FAM169A: variants seen among roughly 807,000 people sequenced by gnomAD.
The protein encoded by FAM169A is soluble lamin-associated protein of 75 kDa.
In FAM169A, 24 loss-of-function variants were observed where a neutral mutation model predicts 75.7. The observed-to-expected ratio is 0.32, with a 90% CI of 0.23 to 0.45. FAM169A has a LOEUF of 0.45. FAM169A is among the 20% of genes least tolerant of loss of function. FAM169A has a pLI of 1.00. For synonymous variants in FAM169A, 271 were observed against 271.0 expected (o/e 1.00, Z 0.00); for missense variants, 673 against 784.0 (o/e 0.86, Z 1.69).
chr5:74,802,520 C>G (rs1482444434), intron 8 of FAM169A, among the ~76,000 whole-genome samples: 1 of 152,098 alleles, frequency 6.6e-6, no homozygotes, highest in Admixed American at 6.5e-5. Context: ...TTTTTACATG[C>G]TATCGTCTGG....
chr5:74,845,271 C>T (rs968135309), intron 1 of FAM169A, among the ~76,000 whole-genome samples: 1 of 152,158 alleles, frequency 6.6e-6, no homozygotes, highest in African/African-American at 2.4e-5. Flanking sequence ...GTAATCCCAG[C>T]ACTTTGGGAG....
chr5:74,855,619 T>C lies in FAM169A; in HGVS notation c.-4+10546A>G, dbSNP rs111920986. ...ATCTACTCAGATCTTTGGCTCATTTTTTAATCAGATTATTACATGTTTTCA... is the reference window on the plus strand; with the variant it reads ...ATCTACTCAGATCTTTGGCTCATTTCTTAATCAGATTATTACATGTTTTCA... On this transcript the variant is annotated intron_variant, in intron 1 of 12. Coordinates refer to ENST00000687041, the MANE Select transcript of FAM169A (RefSeq NM_001376049.1). Among the ~76,000 whole-genome samples the C allele has an allele frequency of 1.8e-3, 280 of 152,352 alleles. 2 individuals carry two copies. Among genetic ancestry groups the C allele is most frequent in the African/African-American group, 6.3e-3 (261 of 41,586 alleles).
intron 11 of FAM169A, among the ~76,000 whole-genome samples, chr5:74,791,826 T>C (rs950082611): frequency 1.3e-5 from 2 of 152,160 alleles, no homozygotes; most frequent in Non-Finnish European, 2.9e-5. Context: ...GCAAAGGGAA[T>C]ACAGAATGAG....
intron 6 of FAM169A, among the ~76,000 whole-genome samples, chr5:74,813,173 A>T (rs1266629005): frequency 1.3e-5 from 2 of 152,176 alleles, no homozygotes. Flanking sequence ...GGGGAAATGG[A>T]TGGTGACTGC....
chr5:74,828,651 G>A (rs1487076328), intron 5 of FAM169A, among the ~76,000 whole-genome samples: 2 of 152,160 alleles, frequency 1.3e-5, no homozygotes, highest in African/African-American at 4.8e-5. Flanking sequence ...ACTTTTTAAA[G>A]GTTCTAAAAT....
chr5:74,818,527 T>C (rs1268361430), intron 5 of FAM169A, among the ~76,000 whole-genome samples: 1 of 152,080 alleles, frequency 6.6e-6, no homozygotes, highest in Non-Finnish European at 1.5e-5. Context: ...CTATGAATTA[T>C]AACCGGATGA....
Position 74,781,529 on chromosome 5 carries a change from G to T in FAM169A, c.1944C>A (p.Asp648Glu), listed in dbSNP as rs1458370910. The T allele has an allele frequency of 2.5e-6, 4 of 1,614,138 alleles. 1 individual carries two copies. In the South Asian group the frequency reaches 4.4e-5, roughly 18 times the overall value. ...TGGCCTTTCTTCTTAAATTCCGCCT[G>T]TCTACCACAGGCACTTCCACTTCTA... Reference protein sequence around the residue: ...EEIEVEVPVVDRRNLRRKAKG... With the variant: ...EEIEVEVPVVERRNLRRKAKG... The change falls in exon 13 of 13, where the codon GAC (aspartate) becomes GAA (glutamate). Residue 648 changes from aspartate to glutamate, a missense_variant. Around this residue, in one of 3 missense-constraint regions of FAM169A, gnomAD observed 510 missense variants for 550.9 expected, o/e 0.93. Coordinates refer to ENST00000687041, the MANE Select transcript of FAM169A (RefSeq NM_001376049.1).
intron 6 of FAM169A, among the ~76,000 whole-genome samples, chr5:74,805,806 C>G (rs1456811238): frequency 1.3e-5 from 2 of 151,508 alleles, no homozygotes; most frequent in African/African-American, 4.8e-5. Flanking sequence ...TATAAAAATA[C>G]CAGTTCTCAT....
At chr5:74,807,875 T>C (rs548367983) in intron 6 of FAM169A, among the ~76,000 whole-genome samples, 234 of 152,232 alleles carry the variant, frequency 1.5e-3, no homozygotes, top group African/African-American at 5.4e-3. Context: ...TCCCAGCATT[T>C]TGGGAGGCCA....
chr5:74,861,077 C>T (rs1032698362), intron 1 of FAM169A, among the ~76,000 whole-genome samples: 2 of 152,140 alleles, frequency 1.3e-5, no homozygotes, highest in African/African-American at 4.8e-5. Flanking sequence ...GCTGACCTTG[C>T]GGTGAGCTGA....
At chr5:74,820,349 G>T (rs567365861) in intron 5 of FAM169A, among the ~76,000 whole-genome samples, 4 of 152,212 alleles carry the variant, frequency 2.6e-5, no homozygotes, top group African/African-American at 9.6e-5. Flanking sequence ...ATCTCAGGTA[G>T]TTGTTAAAAA....
intron 1 of FAM169A, among the ~76,000 whole-genome samples, chr5:74,859,114 T>C (rs941780059): frequency 5.9e-5 from 9 of 151,754 alleles, no homozygotes; most frequent in African/African-American, 1.7e-4. Flanking sequence ...CTCAAGAGGC[T>C]GAGGCAGGAG....
intron 1 of FAM169A, chr5:74,865,714 G>A (rs1750288325): frequency 6.6e-6 from 1 of 152,428 alleles, no homozygotes; most frequent in African/African-American, 2.4e-5. Context: ...CACCTGGTCG[G>A]GTGAACCGAG....
chr5:74,807,983 T>G (rs1746975545), intron 6 of FAM169A, among the ~76,000 whole-genome samples: 1 of 152,068 alleles, frequency 6.6e-6, no homozygotes, highest in Non-Finnish European at 1.5e-5. Flanking sequence ...CCGGCCATGG[T>G]GGCTACTCAG....
At chr5:74,866,602 C>T (rs1750363323), upstream of FAM169A, 5 of 634,602 alleles carry the variant, frequency 7.9e-6, no homozygotes, top group Non-Finnish European at 9.8e-6. Context: ...CCCCCTCTCT[C>T]CGCCCCGGCC....
At chr5:74,827,765 C>A (rs1023357567) in intron 5 of FAM169A, among the ~76,000 whole-genome samples, 3 of 150,964 alleles carry the variant, frequency 2.0e-5, no homozygotes, top group Middle Eastern at 3.2e-3. Context: ...CGGGTTAAAG[C>A]GATTCTCCCA....
In FAM169A at chr5:74,779,940, T is replaced by G. The variant is rs962979236; in HGVS notation, c.*1520A>C. 6.6e-6 allele frequency: 1 copy of G among 152,226 alleles called. No homozygotes were observed. Among genetic ancestry groups the G allele is most frequent in the Non-Finnish European group, 1.5e-5 (1 of 68,024 alleles). The allele number at this position is 152,226 out of a possible 1,614,324, so 9.4% of individuals were successfully genotyped here. On this transcript the variant is annotated 3_prime_UTR_variant, in exon 13 of 13. Coordinates refer to ENST00000687041, the MANE Select transcript of FAM169A (RefSeq NM_001376049.1). ...ACACAAAGTCTTAGTTTCTTTTGCA[T>G]AAGGATCAAGATCAAGCTATTTTTA...
In FAM169A at chr5:74,805,094, G is replaced by A. The variant is rs190598752; in HGVS notation, c.799+62C>T. On this transcript the variant is annotated intron_variant, in intron 7 of 12. Transcript: ENST00000687041. Reference sequence around the variant, plus strand: ...CTTTTTAAACTGGACTTATGGGCCAGCAAGGACAGGCTACCAAAAATAAAT... The same window carrying A: ...CTTTTTAAACTGGACTTATGGGCCAACAAGGACAGGCTACCAAAAATAAAT... 6 of 1,473,614 alleles carry A rather than the reference G, an allele frequency of 4.1e-6. No individual in the cohort carries two copies. In the Admixed American group the frequency reaches 8.5e-5, roughly 21 times the overall value. 91.3% of individuals were successfully genotyped at this position (1,473,614 alleles called of 1,614,324 possible). A position where few individuals can be genotyped will look rare whatever the true frequency, so the allele number is the denominator to read the frequency against.
intron 1 of FAM169A, among the ~76,000 whole-genome samples, chr5:74,863,362 C>T (rs1750140742): frequency 2.0e-5 from 3 of 152,136 alleles, no homozygotes; most frequent in South Asian, 2.1e-4. Flanking sequence ...GCTAAATATA[C>T]AAAAAATAAT....
Sources: gnomAD v4.1 joint callset for allele counts (sites outside exome capture counted in the v4.1 genomes callset) on GRCh38, gnomAD v4.1.1 for gene constraint, gnomAD v4.1.1 regional missense constraint, MANE v1.5 for transcripts, NCBI Gene and HGNC (gene_info 2026-07-23, HGNC 2026-07-21) for gene names.